CORO7: variants seen among roughly 807,000 people sequenced by gnomAD.
CORO7 encodes coronin 7.
A neutral mutation model predicts 126.6 loss-of-function variants in CORO7; 107 were observed. The observed-to-expected ratio is 0.85, with a 90% CI of 0.72 to 0.99. The LOEUF is 0.99. Ranked by LOEUF, CORO7 falls within the 50% of genes least tolerant of loss-of-function variation. CORO7 has a pLI of 0.00. For synonymous variants in CORO7, 603 were observed against 536.8 expected, an observed-to-expected ratio of 1.12 and a Z score of -1.70; for missense variants, 1,314 against 1,255.8, an observed-to-expected ratio of 1.05 and a Z score of -0.70.
Position 4,382,671 on chromosome 16 carries a change from T to C in CORO7, c.785+5315A>G, listed in dbSNP as rs370088997. 3.6e-4 allele frequency: 562 copies of C among 1,549,018 alleles called. 2 individuals carry two copies. The African/African-American group carries it at 6.9e-3, about 19-fold the overall frequency. On this transcript the variant is annotated intron_variant, in intron 9 of 27. Coordinates refer to ENST00000251166, the MANE Select transcript of CORO7 (RefSeq NM_024535.5). ...TGGCTGCGGTGGGGGCAGCCTACTG[T>C]GTGCGGCGGGGGCGGGCCATGGCAG... is the stretch of plus-strand genomic sequence containing the variant.
intron 6 of CORO7, among the ~76,000 whole-genome samples, chr16:4,401,612 G>A (rs971961432): frequency 6.6e-6 from 1 of 152,244 alleles, no homozygotes; most frequent in Non-Finnish European, 1.5e-5. Flanking sequence ...GCGAGGGACA[G>A]CAAGGGATGA....
At chr16:4,413,042 A>G in intron 2 of CORO7, 1 of 391,290 alleles carries the variant, frequency 2.6e-6, no homozygotes, top group Non-Finnish European at 4.6e-6. Flanking sequence ...CTGGAAATAC[A>G]AGCGTCAGTC....
intron 9 of CORO7, among the ~76,000 whole-genome samples, chr16:4,377,661 G>T (rs770477120): frequency 6.6e-6 from 1 of 152,200 alleles, no homozygotes; most frequent in Non-Finnish European, 1.5e-5. Flanking sequence ...TCCTCTCGGG[G>T]CTGGCTGATG....
At position 4,357,081 on chromosome 16, in the gene CORO7, T is replaced by G. The variant is rs566030742; in HGVS notation, c.2685+87A>C. The G allele has an allele frequency of 5.2e-6, 8 of 1,538,126 alleles. No homozygotes were observed. In the South Asian group the frequency reaches 6.8e-5, roughly 13 times the overall value. ...GTGACATGTGGCTGCTGTCCCAGTCTGGGTTGGGGATGGAGAACTAAGGGG... is the reference window on the plus strand; with the variant it reads ...GTGACATGTGGCTGCTGTCCCAGTCGGGGTTGGGGATGGAGAACTAAGGGG... On this transcript the variant is annotated intron_variant, in intron 26 of 27. Coordinates refer to ENST00000251166, the MANE Select transcript of CORO7 (RefSeq NM_024535.5).
intron 2 of CORO7, 106 bp downstream of exon 2, chr16:4,413,202 G>A (rs753435142): frequency 1.4e-5 from 17 of 1,230,332 alleles, no homozygotes; most frequent in Middle Eastern, 2.7e-4. Context: ...AAGCAGTTCC[G>A]TTCCAAGTCT....
Position 4,365,547 on chromosome 16 carries a change from T to G in CORO7, c.786-2A>C. The stretch of plus-strand genomic sequence containing the variant: ...GGGTCCAGCAGAGGCACGAGACACC[T>G]GGGGAAGAGAGGGCAAGATGGCGGG... On this transcript the variant is annotated splice_acceptor_variant, in intron 9 of 27. Coordinates refer to ENST00000251166, the MANE Select transcript of CORO7 (RefSeq NM_024535.5). LOFTEE classifies it high-confidence loss of function. 6.3e-7 allele frequency: 1 copy of G among 1,579,028 alleles called. No homozygotes were observed. The highest frequency in any genetic ancestry group is 8.6e-7 in the Non-Finnish European group (1 of 1,162,650).
chr16:4,396,635 G>A (rs1398202139), intron 6 of CORO7, among the ~76,000 whole-genome samples: 2 of 152,128 alleles, frequency 1.3e-5, no homozygotes, highest in Admixed American at 1.3e-4. Context: ...TCCTTTTTAC[G>A]TCTTAGCACA....
At chr16:4,388,312 T>C (rs2055266694) in intron 8 of CORO7, among the ~76,000 whole-genome samples, 1 of 152,194 alleles carries the variant, frequency 6.6e-6, no homozygotes, top group Non-Finnish European at 1.5e-5. Flanking sequence ...CGGGTCCCTG[T>C]AGGGCCACTA....
intron 19 of CORO7, 113 bp from the exon 20 acceptor site, chr16:4,360,661 CGCCTCTCCTCACTGCTGGTCTT>C (rs1567246016): frequency 1.6e-5 from 23 of 1,400,452 alleles, no homozygotes; most frequent in Middle Eastern, 4.9e-4. Flanking sequence ...CTGCTGTTCC[CGCCTCTCCTCACTGCTGGTCTT>C]GCCTCTCCTC....
At chr16:4,382,263 G>A (rs899838152) in intron 9 of CORO7, 1 of 1,608,516 alleles carries the variant, frequency 6.2e-7, no homozygotes, top group Non-Finnish European at 8.5e-7. Flanking sequence ...GGCCACCACG[G>A]TCCCTGACCC....
intron 6 of CORO7, among the ~76,000 whole-genome samples, chr16:4,405,107 G>C (rs71388577): frequency 6.6e-6 from 1 of 152,036 alleles, no homozygotes; most frequent in Non-Finnish European, 1.5e-5. Context: ...TACTGTCCTC[G>C]ACGGAAGTCA....
At chr16:4,359,270 G>A (rs748413691) in intron 23 of CORO7, 26 bp downstream of exon 23, 1 of 1,574,536 alleles carries the variant, frequency 6.4e-7, no homozygotes, top group Non-Finnish European at 8.6e-7. Context: ...GGTCCCATCG[G>A]GGACGAGGCG....
chr16:4,382,743 G>C, intron 9 of CORO7: 2 of 1,556,500 alleles, frequency 1.3e-6, no homozygotes, highest in Non-Finnish European at 1.7e-6. Context: ...CTGGGCCCCT[G>C]GAACTGGAGG....
chr16:4,383,017 G>A, intron 9 of CORO7: 2 of 1,142,958 alleles, frequency 1.7e-6, no homozygotes, highest in East Asian at 2.7e-5. Flanking sequence ...TGCAGACAGG[G>A]CTGTGTGACC....
Position 4,355,127 on chromosome 16 carries a change from A to C in CORO7, c.*31T>G, listed in dbSNP as rs1015977821. The C allele has an allele frequency of 2.7e-6, 4 of 1,489,168 alleles. No individual in the cohort carries two copies. In the African/African-American group the frequency reaches 4.2e-5, roughly 16 times the overall value. The allele number at this position is 1,489,168 out of a possible 1,614,324, so 92.2% of individuals were successfully genotyped here. On this transcript the variant is annotated 3_prime_UTR_variant, in exon 28 of 28. Coordinates refer to ENST00000251166, the MANE Select transcript of CORO7 (RefSeq NM_024535.5). ...GAGGTGTGCACTAGGAAGTGGCAGC[A>C]CAGGTGAGGTGGAGGTGACGGGGGC...
Position 4,357,978 on chromosome 16 carries a change from G to A in CORO7, c.2583C>T (p.Asp861=). 2 of 1,607,820 alleles carry A rather than the reference G, an allele frequency of 1.2e-6. No homozygotes were observed. The highest frequency in any genetic ancestry group is 8.5e-7 in the Non-Finnish European group (1 of 1,175,132). Residue 861 remains aspartate, a synonymous_variant, in exon 25 of 28, where the codon GAC becomes GAT. Coordinates refer to ENST00000251166, the MANE Select transcript of CORO7 (RefSeq NM_024535.5). ...AGTCCCTCGGTGCACCTGGGCTCAT[G>A]TCAGGAGGCTGCAGGCTGAGAAGCC... ...QPWLLSLQPP[D]MSPVSQAPRE... is the part of the protein sequence containing the mutation.
chr16:4,385,287 C>T (rs1225097553), intron 9 of CORO7, among the ~76,000 whole-genome samples: 1 of 152,152 alleles, frequency 6.6e-6, no homozygotes, highest in African/African-American at 2.4e-5. Context: ...AGACAACATG[C>T]TCACAGTAAG....
At chr16:4,415,804 G>A (rs1363797937) in intron 1 of CORO7, 2 of 985,444 alleles carry the variant, frequency 2.0e-6, no homozygotes, top group Non-Finnish European at 1.2e-6. Flanking sequence ...GGTCCGAAGG[G>A]TCTCCCGGCA....
Position 4,382,645 on chromosome 16 carries a change from CTGGCTGCGG to C in CORO7, c.785+5332_785+5340del, listed in dbSNP as rs771506205. 3.2e-6 allele frequency: 5 copies of C among 1,557,090 alleles called. No homozygotes were observed. The South Asian group carries it at 4.7e-5, about 15-fold the overall frequency. ...CCTGGCCGCGGTGCTCCTGGCCGCGCTGGCTGCGGTGGGGGCAGCCTACTGTGTGCGGCG... is the reference window on the plus strand; with the variant it reads ...CCTGGCCGCGGTGCTCCTGGCCGCGCTGGGGGCAGCCTACTGTGTGCGGCG... On this transcript the variant is annotated intron_variant, in intron 9 of 27. Coordinates refer to ENST00000251166, the MANE Select transcript of CORO7 (RefSeq NM_024535.5).
Sources: allele counts gnomAD v4.1 joint callset (sites outside exome capture counted in the v4.1 genomes callset), GRCh38; gene constraint gnomAD v4.1.1; transcripts MANE v1.5; gene names NCBI Gene and HGNC (gene_info 2026-07-23, HGNC 2026-07-21).